CDH4: variants seen among roughly 807,000 people sequenced by gnomAD.
CDH4 encodes the protein cadherin-4.
In CDH4, 33 loss-of-function variants were observed where a neutral mutation model predicts 86.0. That is an observed-to-expected ratio of 0.38 (90% confidence interval 0.29 to 0.51). The LOEUF is 0.51. Among genes scored for constraint, CDH4 ranks in the 20% least tolerant of loss-of-function variants. The probability of loss-of-function intolerance (pLI) is 0.86; values close to 1 mark genes in which losing one functional copy is unlikely to be tolerated. For synonymous variants in CDH4, 555 were observed against 549.4 expected (o/e 1.01, Z -0.14); for missense variants, 1,114 against 1,307.4 (o/e 0.85, Z 2.28).
intron 2 of CDH4, among the ~76,000 whole-genome samples, chr20:61,573,222 A>G (rs2086357745): frequency 6.6e-6 from 1 of 152,182 alleles, no homozygotes; most frequent in Admixed American, 6.5e-5. Flanking sequence ...CCCAGAGAAT[A>G]GAACCCCACC....
chr20:61,325,980 G>C (rs558116692), intron 2 of CDH4, among the ~76,000 whole-genome samples: 1 of 152,192 alleles, frequency 6.6e-6, no homozygotes. Context: ...TGGCGGTACC[G>C]GTTCAAACCC....
intron 11 of CDH4, among the ~76,000 whole-genome samples, chr20:61,925,518 T>C (rs1208555860): frequency 3.3e-5 from 5 of 152,192 alleles, no homozygotes; most frequent in Admixed American, 3.3e-4. Context: ...TCCTGTTTGC[T>C]GCGGCCGTGA....
chr20:61,844,947 G>T, intron 5 of CDH4, 124 bp downstream of exon 5: 2 of 1,011,938 alleles, frequency 2.0e-6, no homozygotes, highest in Non-Finnish European at 2.8e-6. Flanking sequence ...CTCCAACTTT[G>T]GCCTGGAGCA....
Position 61,677,567 on chromosome 20 carries a change from CCTT to C in CDH4, c.170-65993_170-65991del, listed in dbSNP as rs1381683327. Among the ~76,000 whole-genome samples, 9 of 151,804 alleles carry C rather than the reference CCTT, an allele frequency of 5.9e-5. No homozygotes were observed. In the South Asian group the frequency reaches 1.0e-3, roughly 18 times the overall value. On this transcript the variant is annotated intron_variant, in intron 2 of 15. Coordinates refer to ENST00000614565, the MANE Select transcript of CDH4 (RefSeq NM_001794.5). The stretch of plus-strand genomic sequence containing the variant: ...ATTTTTTTACTCATTCAGACTACCT[CCTT>C]CTGCAGCAGGCACATCCCCCTCAGA...
At chr20:61,320,659 G>T (rs1299484530) in intron 2 of CDH4, among the ~76,000 whole-genome samples, 1 of 151,970 alleles carries the variant, frequency 6.6e-6, no homozygotes. Context: ...CCCTACCCAG[G>T]GCTGCCTCCC....
intron 2 of CDH4, among the ~76,000 whole-genome samples, chr20:61,532,520 C>T (rs866995131): frequency 4.6e-5 from 7 of 152,192 alleles, no homozygotes; most frequent in South Asian, 4.1e-4. Flanking sequence ...CGTTCAGTAA[C>T]AACAAGTGCA....
rs528207720 is a variant in CDH4, at chr20:61,520,629, T to C, written c.170-222934T>C. Among the ~76,000 whole-genome samples, 10 of 152,332 alleles carry C rather than the reference T, an allele frequency of 6.6e-5. No individual in the cohort carries two copies. The South Asian group carries it at 2.1e-3, about 32-fold the overall frequency. Reference sequence around the variant, plus strand: ...GGCACCAGGCTTGGCATTTGGCGCATAGTTTCCTCTTTCATCCTCTGAGCA... The same window carrying C: ...GGCACCAGGCTTGGCATTTGGCGCACAGTTTCCTCTTTCATCCTCTGAGCA... On this transcript the variant is annotated intron_variant, in intron 2 of 15. Transcript: ENST00000614565.
intron 6 of CDH4, among the ~76,000 whole-genome samples, chr20:61,862,688 A>G (rs1346684933): frequency 6.6e-6 from 1 of 152,208 alleles, no homozygotes; most frequent in Admixed American, 6.5e-5. Context: ...GGCTCTCAGC[A>G]TTTCTCAAAG....
intron 2 of CDH4, among the ~76,000 whole-genome samples, chr20:61,629,136 G>A (rs1345157375): frequency 1.3e-5 from 2 of 152,216 alleles, no homozygotes; most frequent in African/African-American, 4.8e-5. Context: ...GCATAGCTGC[G>A]CCGTGGAGAG....
At chr20:61,695,973 G>A (rs1350539891) in intron 2 of CDH4, among the ~76,000 whole-genome samples, 1 of 152,160 alleles carries the variant, frequency 6.6e-6, no homozygotes, top group Non-Finnish European at 1.5e-5. Flanking sequence ...CCCTCCATGA[G>A]GCTCCTCTTC....
chr20:61,489,389 C>G (rs1158820256), intron 2 of CDH4, among the ~76,000 whole-genome samples: 1 of 152,228 alleles, frequency 6.6e-6, no homozygotes. Flanking sequence ...TACACCTACT[C>G]TATGGCCCAG....
rs149210026 is a variant in CDH4, at chr20:61,773,086, C to A, written c.480C>A (p.Asn160Lys). The change falls in exon 4 of 16, where the codon AAC (asparagine) becomes AAA (lysine). Residue 160 changes from asparagine (N) to lysine (K), a missense_variant. Asn to Lys is a moderately conservative substitution (Grantham distance 94, BLOSUM62 0). Coordinates refer to ENST00000614565, the MANE Select transcript of CDH4 (RefSeq NM_001794.5). ...DTLLPWPQHQ[N>K]ANGLRRRKRD... ...TGCTGCCGTGGCCCCAGCACCAGAA[C>A]GCCAACGGGCTGAGGCGGCGCAAAC... The A allele has an allele frequency of 1.6e-5, 26 of 1,613,412 alleles. No homozygotes were observed. The highest frequency in any genetic ancestry group is 5.3e-5 in the African/African-American group (4 of 74,936).
chr20:61,885,875 G>T (rs12233286), intron 7 of CDH4, among the ~76,000 whole-genome samples: 1 of 152,270 alleles, frequency 6.6e-6, no homozygotes, highest in South Asian at 2.1e-4. Flanking sequence ...GGGGATGGAG[G>T]TTCCAGCAGT....
At chr20:61,646,208 C>T (rs896173882) in intron 2 of CDH4, among the ~76,000 whole-genome samples, 2 of 152,074 alleles carry the variant, frequency 1.3e-5, no homozygotes, top group Non-Finnish European at 2.9e-5. Context: ...GCACCTAGAT[C>T]AGGGGCCTCT....
intron 2 of CDH4, among the ~76,000 whole-genome samples, chr20:61,336,625 G>A (rs763776667): frequency 6.6e-6 from 1 of 152,212 alleles, no homozygotes; most frequent in Non-Finnish European, 1.5e-5. Context: ...GTGGAAGGAA[G>A]CCAGGGCCTT....
intron 9 of CDH4, among the ~76,000 whole-genome samples, chr20:61,919,231 G>A (rs1315081120): frequency 6.6e-6 from 1 of 152,224 alleles, no homozygotes; most frequent in Non-Finnish European, 1.5e-5. Flanking sequence ...CAGTAGCAGT[G>A]CCGAGAAGTC....
At chr20:61,593,404 C>G (rs576470778) in intron 2 of CDH4, among the ~76,000 whole-genome samples, 3 of 152,330 alleles carry the variant, frequency 2.0e-5, no homozygotes, top group East Asian at 3.9e-4. Context: ...TCACACTGTT[C>G]AGCATTTTCA....
intron 2 of CDH4, among the ~76,000 whole-genome samples, chr20:61,620,733 T>C (rs1437536864): frequency 6.6e-6 from 1 of 152,212 alleles, no homozygotes; most frequent in African/African-American, 2.4e-5. Context: ...GGGAGAGCAA[T>C]GTTTGTTTCT....
At chr20:61,320,679 C>T (rs538536566) in intron 2 of CDH4, among the ~76,000 whole-genome samples, 1 of 152,046 alleles carries the variant, frequency 6.6e-6, no homozygotes, top group South Asian at 2.1e-4. Flanking sequence ...CAGCAGAGAA[C>T]CCTTCAGCCC....
Sources: allele counts gnomAD v4.1 joint callset (sites outside exome capture counted in the v4.1 genomes callset), GRCh38; gene constraint gnomAD v4.1.1; transcripts MANE v1.5; gene names NCBI Gene and HGNC (gene_info 2026-07-23, HGNC 2026-07-21).